Variants in SLC15A3 observed in about 807,000 individuals in gnomAD.
SLC15A3 encodes solute carrier family 15 member 3, also known as osteoclast transporter.
A neutral mutation model predicts 49.2 loss-of-function variants in SLC15A3; 39 were observed. The observed-to-expected ratio is 0.79, with a 90% confidence interval of 0.61 to 1.04. The LOEUF (loss-of-function observed/expected upper bound fraction) is 1.04, where lower values mean the gene tolerates loss of function less well. Ranked by LOEUF, SLC15A3 falls within the 50% of genes least tolerant of loss-of-function variation. SLC15A3 has a pLI of 0.00. For synonymous variants in SLC15A3, 339 were observed against 367.0 expected (o/e 0.92, Z 0.87); for missense variants, 758 against 794.8 (o/e 0.95, Z 0.56).
intron 4 of SLC15A3, 28 bp from the exon 5 acceptor site, chr11:60,941,318 G>A (rs1306865202): frequency 6.2e-7 from 1 of 1,601,098 alleles, no homozygotes; most frequent in Non-Finnish European, 8.5e-7. Context: ...AGGAGAGGCA[G>A]GCTAGCAGAG....
chr11:60,938,754 C>T (rs1856664722), intron 6 of SLC15A3, among the ~76,000 whole-genome samples: 1 of 152,184 alleles, frequency 6.6e-6, no homozygotes, highest in African/African-American at 2.4e-5. Flanking sequence ...GCTCCTCCTA[C>T]CCACTCACCT....
chr11:60,943,604 C>T (rs1346733395), intron 3 of SLC15A3, 85 bp downstream of exon 3: 28 of 1,349,332 alleles, frequency 2.1e-5, no homozygotes, highest in Non-Finnish European at 2.5e-5. Flanking sequence ...TTCCACATGC[C>T]CTGGGCCTCT....
intron 3 of SLC15A3, chr11:60,943,256 C>T (rs1341563067): frequency 1.3e-5 from 2 of 152,984 alleles, no homozygotes; most frequent in Admixed American, 1.3e-4. Flanking sequence ...ACCTGCCTGC[C>T]GTGGGGCCTT....
Position 60,942,529 on chromosome 11 carries a change from T to C in SLC15A3, c.997-384A>G, listed in dbSNP as rs1192292144. The stretch of plus-strand genomic sequence containing the variant: ...CTGAAGCCAAGCTGAGTCCACAGGT[T>C]GACACAAGCACTGCATAGACATGGA... On this transcript the variant is annotated intron_variant, in intron 3 of 7. Coordinates refer to ENST00000227880, the MANE Select transcript of SLC15A3 (RefSeq NM_016582.3). 1.8e-5 allele frequency: 4 copies of C among 217,610 alleles called. No homozygotes were observed. The Admixed American group carries it at 2.1e-4, about 11-fold the overall frequency. 13.5% of individuals were successfully genotyped at this position (217,610 alleles called of 1,614,324 possible). A position where few individuals can be genotyped will look rare whatever the true frequency, so the allele number is the denominator to read the frequency against.
At chr11:60,949,918 C>A (rs1005511396) in intron 1 of SLC15A3, among the ~76,000 whole-genome samples, 1 of 152,202 alleles carries the variant, frequency 6.6e-6, no homozygotes, top group Admixed American at 6.5e-5. Context: ...CTCATTTACA[C>A]CATATGTGGT....
chr11:60,946,968 G>C, intron 1 of SLC15A3, 147 bp from the exon 2 acceptor site: 1 of 852,136 alleles, frequency 1.2e-6, no homozygotes, highest in South Asian at 1.8e-5. Flanking sequence ...ACAAACAGAT[G>C]CTCAGTAAAT....
chr11:60,937,821 C>A, intron 7 of SLC15A3, 49 bp downstream of exon 7: 1 of 1,588,360 alleles, frequency 6.3e-7, no homozygotes, highest in South Asian at 1.1e-5. Flanking sequence ...ACCTCCTTTC[C>A]AAGCCTCCCT....
intron 1 of SLC15A3, among the ~76,000 whole-genome samples, chr11:60,947,492 T>C (rs1445151069): frequency 6.6e-6 from 1 of 152,236 alleles, no homozygotes; most frequent in Non-Finnish European, 1.5e-5. Context: ...TCATTACTTT[T>C]ATAATCAGAA....
intron 1 of SLC15A3, among the ~76,000 whole-genome samples, chr11:60,950,242 G>C (rs1241059585): frequency 6.6e-6 from 1 of 152,166 alleles, no homozygotes; most frequent in African/African-American, 2.4e-5. Flanking sequence ...GAAGAAGCTG[G>C]CTTGCTCCTG....
intron 6 of SLC15A3, among the ~76,000 whole-genome samples, chr11:60,939,111 G>A (rs1856672321): frequency 6.6e-6 from 1 of 152,232 alleles, no homozygotes; most frequent in African/African-American, 2.4e-5. Flanking sequence ...GACCCCTTCT[G>A]CCCAAGGACC....
chr11:60,945,495 G>A (rs2957232), intron 2 of SLC15A3, among the ~76,000 whole-genome samples: 151,958 of 152,356 alleles, frequency 1, 75,784 homozygotes, highest in Middle Eastern at 1. Flanking sequence ...GCAGCGATAG[G>A]TAATGAAAAC....
Position 60,949,549 on chromosome 11 carries a change from AAAGAAAGAAAGAAAG to A in SLC15A3, c.558+1430_558+1444del, listed in dbSNP as rs796458442. 4.3e-3 allele frequency among the ~76,000 whole-genome samples: 333 copies of A among 78,206 alleles called. 15 individuals are homozygous for A. The South Asian group carries it at 0.082, about 19-fold the overall frequency. The allele number at this position is 78,206 out of a possible 152,430, so 51.3% of individuals were successfully genotyped here. A position where few individuals can be genotyped will look rare whatever the true frequency, so the allele number is the denominator to read the frequency against. On this transcript the variant is annotated intron_variant, in intron 1 of 7. Transcript: ENST00000227880. ...GAAAGAAAGAAAGAAAGAAAGAAAG[AAAGAAAGAAAGAAAG>A]AAAGAAAAGAGATGGCCAGGGCTGG...
At chr11:60,946,213 C>T (rs1438642284) in intron 2 of SLC15A3, among the ~76,000 whole-genome samples, 1 of 152,006 alleles carries the variant, frequency 6.6e-6, no homozygotes, top group Non-Finnish European at 1.5e-5. Flanking sequence ...AGGCTGGTCT[C>T]GAACTCCCAG....
In SLC15A3 at chr11:60,941,104, CCACACCCCTCTG is replaced by C; in HGVS notation, c.1276+6_1276+17del. 1 of 1,604,616 alleles carries C rather than the reference CCACACCCCTCTG, an allele frequency of 6.2e-7. No homozygotes were observed. The highest frequency in any genetic ancestry group is 8.5e-7 in the Non-Finnish European group (1 of 1,174,194). ...CAAGCCCAAAGTTCAGCCCCCTGCC[CCACACCCCTCTG>C]CACACCTGCCACAATGACGGAGGTA... On this transcript the variant is annotated splice_donor_region_variant and intron_variant, in intron 5 of 7. Coordinates refer to ENST00000227880, the MANE Select transcript of SLC15A3 (RefSeq NM_016582.3).
At chr11:60,941,342 G>T (rs779348460) in intron 4 of SLC15A3, 52 bp from the exon 5 acceptor site, 2 of 1,555,932 alleles carry the variant, frequency 1.3e-6, no homozygotes, top group Admixed American at 3.8e-5. Context: ...AAGGAGCCTG[G>T]CTGCAGTCAG....
At position 60,949,563 on chromosome 11, in the gene SLC15A3, AG is replaced by A. The variant is rs1241733811; in HGVS notation, c.558+1430del. 2.8e-4 allele frequency among the ~76,000 whole-genome samples: 12 copies of A among 43,214 alleles called. 1 individual carries two copies. In the South Asian group the frequency reaches 7.9e-3, roughly 28 times the overall value. 28.4% of individuals were successfully genotyped at this position (43,214 alleles called of 152,430 possible). A position where few individuals can be genotyped will look rare whatever the true frequency, so the allele number is the denominator to read the frequency against. ...AAGAAAGAAAGAAAGAAAGAAAGAA[AG>A]AAAGAAAAGAGATGGCCAGGGCTGG... On this transcript the variant is annotated intron_variant, in intron 1 of 7. Coordinates refer to ENST00000227880, the MANE Select transcript of SLC15A3 (RefSeq NM_016582.3).
rs1856806566 is a variant in SLC15A3 at position 60,946,622 on chromosome 11, G to A, written c.758C>T (p.Thr253Ile). 1 of 1,613,900 alleles carries A rather than the reference G, an allele frequency of 6.2e-7. No individual in the cohort carries two copies. Among genetic ancestry groups the A allele is most frequent in the African/African-American group, 1.3e-5 (1 of 74,910 alleles). Reference sequence around the variant, plus strand: ...CACTTGGCTGCCCATCGGGGGCTTGGTGATGAAGACGGGGGTGGCAAAGAG... The same window carrying A: ...CACTTGGCTGCCCATCGGGGGCTTGATGATGAAGACGGGGGTGGCAAAGAG... ...IFLFATPVFITKPPMGSQVSS... is the reference protein window; with the variant it reads ...IFLFATPVFIIKPPMGSQVSS... The change falls in exon 2 of 8, where the codon ACC (threonine) becomes ATC (isoleucine). Residue 253 changes from threonine (T) to isoleucine (I), a missense_variant. Transcript: ENST00000227880.
chr11:60,944,337 C>T (rs1276718723), intron 2 of SLC15A3, among the ~76,000 whole-genome samples: 4 of 152,166 alleles, frequency 2.6e-5, no homozygotes, highest in African/African-American at 9.7e-5. Flanking sequence ...ATCATCACCA[C>T]CATCGCCAAG....
intron 1 of SLC15A3, among the ~76,000 whole-genome samples, chr11:60,949,151 A>G (rs1342401097): frequency 1.3e-5 from 2 of 151,976 alleles, no homozygotes; most frequent in African/African-American, 4.8e-5. Flanking sequence ...CCTGGCCAAC[A>G]TGGCGAAACC....
Sources: gnomAD v4.1 joint callset for allele counts (sites outside exome capture counted in the v4.1 genomes callset) on GRCh38, gnomAD v4.1.1 for gene constraint, MANE v1.5 for transcripts, NCBI Gene and HGNC (gene_info 2026-07-23, HGNC 2026-07-21) for gene names.